Variants in SHROOM2 observed in about 807,000 individuals in gnomAD.
SHROOM2 encodes the protein protein Shroom2.
Under a neutral mutation model 75.9 loss-of-function variants are expected in SHROOM2, and 33 were observed. That is an observed-to-expected ratio of 0.43 (90% CI 0.33 to 0.58). The LOEUF is 0.58. Among genes scored for constraint, SHROOM2 ranks in the 20% least tolerant of loss-of-function variants. SHROOM2 has a pLI of 0.04. For missense variants in SHROOM2, 1,434 were observed against 1,461.2 expected (o/e 0.98, Z 0.30); for synonymous variants, 655 against 663.6 (o/e 0.99, Z 0.20).
intron 1 of SHROOM2, among the ~76,000 whole-genome samples, chrX:9,799,185 T>TTTTTTGTTTG (rs2083710942): frequency 1.1e-5 from 1 of 92,603 alleles, no homozygotes; most frequent in African/African-American, 3.9e-5. Context: ...TTTTTTTTTT[T>TTTTTTGTTTG]GAGATGGAGT....
rs779748338 is a variant in SHROOM2, at chrX:9,908,352, T to G, written c.2891+10062T>G. Among the ~76,000 whole-genome samples the G allele has an allele frequency of 1.3e-3, 148 of 112,148 alleles. 1 individual carries two copies. The highest frequency in any genetic ancestry group is 4.7e-3 in the African/African-American group (145 of 30,890). On this transcript the variant is annotated intron_variant, in intron 5 of 9. Coordinates refer to ENST00000380913, the MANE Select transcript of SHROOM2 (RefSeq NM_001649.4). ...CAAGACTAAGAGGTGAGGAGGAAGT[T>G]CTTTCAGAACATAAGGGTACTAGGG...
intron 1 of SHROOM2, among the ~76,000 whole-genome samples, chrX:9,799,940 A>G (rs2083715405): frequency 9.0e-6 from 1 of 111,528 alleles, no homozygotes; most frequent in Non-Finnish European, 1.9e-5. Flanking sequence ...AATGGGAATC[A>G]TTCATCTTCC....
intron 1 of SHROOM2, among the ~76,000 whole-genome samples, chrX:9,847,752 T>C (rs2084013928): frequency 8.9e-6 from 1 of 112,029 alleles, no homozygotes; most frequent in African/African-American, 3.2e-5. Context: ...AATGCCTAAA[T>C]GCTTGTGCTG....
At position 9,873,675 on chromosome X, in the gene SHROOM2, G is replaced by A. The variant is rs201633094; in HGVS notation, c.189G>A (p.Ala63=). 25 of 1,211,605 alleles carry A rather than the reference G, an allele frequency of 2.1e-5. No individual in the cohort carries two copies. Among genetic ancestry groups the A allele is most frequent in the East Asian group, 3.0e-5 (1 of 33,838 alleles). ...AGATTGAAGAGGGCAGTAAAGCCGC[G>A]GCGGTCGACAAGTTACTGGCTGGAG... ...ITKIEEGSKA[A]AVDKLLAGDE... is the part of the protein sequence containing the mutation. The change falls in exon 2 of 10, where the codon GCG becomes GCA. Residue 63 remains alanine, a synonymous_variant. Transcript: ENST00000380913.
At chrX:9,901,771 T>C (rs1223699609) in intron 5 of SHROOM2, among the ~76,000 whole-genome samples, 1 of 112,305 alleles carries the variant, frequency 8.9e-6, no homozygotes, top group East Asian at 2.8e-4. Context: ...CACGGATGTA[T>C]TTGTACACCT....
chrX:9,937,510 G>C lies in SHROOM2; in HGVS notation c.3964G>C (p.Glu1322Gln), dbSNP rs1047664499. The C allele has an allele frequency of 8.3e-7, 1 of 1,211,824 alleles. No individual in the cohort carries two copies. Among genetic ancestry groups the C allele is most frequent in the Non-Finnish European group, 1.1e-6 (1 of 895,559 alleles). ...CCTGAAGTCGGAGGAGCTGGCCAGG[G>C]AGATCGTGGGGAAGGATAAGTCCCT... is the stretch of plus-strand genomic sequence containing the variant. ...EDLKSEELAR[E>Q]IVGKDKSLAD... The change falls in exon 7 of 10, where the codon GAG becomes CAG. Residue 1322 changes from glutamate (E) to glutamine (Q), a missense_variant. Glu to Gln is a conservative substitution (Grantham distance 29, BLOSUM62 2). Coordinates refer to ENST00000380913, the MANE Select transcript of SHROOM2 (RefSeq NM_001649.4).
At chrX:9,888,604 C>T (rs1447749154) in intron 2 of SHROOM2, among the ~76,000 whole-genome samples, 15 of 110,861 alleles carry the variant, frequency 1.4e-4, no homozygotes, top group Admixed American at 1.4e-3. Flanking sequence ...CCACCACGCC[C>T]GGCTGATTTT....
intron 5 of SHROOM2, among the ~76,000 whole-genome samples, chrX:9,914,059 A>AC (rs1225524550): frequency 2.5e-4 from 12 of 48,660 alleles, no homozygotes; most frequent in East Asian, 6.9e-4. Flanking sequence ...ACCTGCGCCC[A>AC]CCCCCCTGCC....
At chrX:9,805,157 A>C (rs1217669111) in intron 1 of SHROOM2, among the ~76,000 whole-genome samples, 1 of 110,740 alleles carries the variant, frequency 9.0e-6, no homozygotes, top group Non-Finnish European at 1.9e-5. Flanking sequence ...AGGTAGAAGA[A>C]TTGCTTGAAC....
intron 1 of SHROOM2, among the ~76,000 whole-genome samples, chrX:9,842,040 C>A (rs1466789435): frequency 9.0e-6 from 1 of 111,677 alleles, no homozygotes; most frequent in Non-Finnish European, 1.9e-5. Context: ...GCCTGGGTGA[C>A]AGAGTGAGAC....
chrX:9,910,529 G>C (rs1416364869), intron 5 of SHROOM2, among the ~76,000 whole-genome samples: 1 of 110,423 alleles, frequency 9.1e-6, no homozygotes, highest in Non-Finnish European at 1.9e-5. Context: ...AACATAGCAA[G>C]ACCCTGGCCA....
intron 5 of SHROOM2, among the ~76,000 whole-genome samples, chrX:9,920,027 TCAGA>T (rs1303083560): frequency 9.1e-5 from 10 of 109,845 alleles, no homozygotes; most frequent in African/African-American, 1.7e-4. Flanking sequence ...TCACTATAAC[TCAGA>T]CAGACATCTC....
chrX:9,908,130 G>A (rs2084401595), intron 5 of SHROOM2, among the ~76,000 whole-genome samples: 1 of 112,798 alleles, frequency 8.9e-6, no homozygotes, highest in African/African-American at 3.2e-5. Flanking sequence ...TTAACTTGGG[G>A]AAGTTTGCTT....
At chrX:9,795,330 A>G (rs746584805) in intron 1 of SHROOM2, among the ~76,000 whole-genome samples, 1 of 111,477 alleles carries the variant, frequency 9.0e-6, no homozygotes, top group East Asian at 2.8e-4. Flanking sequence ...TCTTCCTGGA[A>G]GATTTTGTTC....
chrX:9,799,784 A>G (rs1432050193), intron 1 of SHROOM2, among the ~76,000 whole-genome samples: 1 of 110,498 alleles, frequency 9.0e-6, no homozygotes, highest in Non-Finnish European at 1.9e-5. Flanking sequence ...TATGGTGCCT[A>G]TAGACAATGC....
chrX:9,881,122 G>A (rs976303215), intron 2 of SHROOM2, among the ~76,000 whole-genome samples: 17 of 111,165 alleles, frequency 1.5e-4, no homozygotes, highest in African/African-American at 4.9e-4. Flanking sequence ...TAGTTCCGAC[G>A]TCCAGACCAT....
intron 1 of SHROOM2, among the ~76,000 whole-genome samples, chrX:9,839,421 T>TC (rs2083967913): frequency 9.0e-6 from 1 of 111,081 alleles, no homozygotes; most frequent in Non-Finnish European, 1.9e-5. Flanking sequence ...AGTCCTAAGG[T>TC]CAGAGAGCTC....
chrX:9,794,176 C>T lies in SHROOM2; in HGVS notation c.165+7466C>T, dbSNP rs184519099. 2.0e-3 allele frequency among the ~76,000 whole-genome samples: 226 copies of T among 111,546 alleles called. 1 individual carries two copies. Among genetic ancestry groups the T allele is most frequent in the African/African-American group, 7.1e-3 (218 of 30,705 alleles). On this transcript the variant is annotated intron_variant, in intron 1 of 9. Transcript: ENST00000380913. ...GTTAGCATCAATGAAGAAGGGACCC[C>T]AGGGTGGGGGAGAACAATTGTTCTG...
chrX:9,866,506 G>A lies in SHROOM2; in HGVS notation c.166-7146G>A, dbSNP rs369305421. Among the ~76,000 whole-genome samples the A allele has an allele frequency of 1.0e-4, 11 of 110,420 alleles. No homozygotes were observed. The East Asian group carries it at 2.9e-3, about 29-fold the overall frequency. Reference sequence around the variant, plus strand: ...AAATCCCTCAAGCTGAAAACCCTGCGGCAGGTGACATGTCCAGATCTTCCT... The same window carrying A: ...AAATCCCTCAAGCTGAAAACCCTGCAGCAGGTGACATGTCCAGATCTTCCT... On this transcript the variant is annotated intron_variant, in intron 1 of 9. Coordinates refer to ENST00000380913, the MANE Select transcript of SHROOM2 (RefSeq NM_001649.4).
Sources: allele counts gnomAD v4.1 joint callset (sites outside exome capture counted in the v4.1 genomes callset), GRCh38; gene constraint gnomAD v4.1.1; transcripts MANE v1.5; gene names NCBI Gene and HGNC (gene_info 2026-07-23, HGNC 2026-07-21).